BMPR1B: variants seen among roughly 807,000 people sequenced by gnomAD.
BMPR1B encodes bone morphogenetic protein receptor type-1B.
BMPR1B carries 12 observed loss-of-function variants against 59.1 expected under a neutral mutation model. That is an observed-to-expected ratio of 0.20 (90% confidence interval 0.13 to 0.33). The LOEUF is 0.33. BMPR1B is among the 10% of genes least tolerant of loss of function. The pLI, the probability that BMPR1B is intolerant of heterozygous loss-of-function variation, is 1.00. For synonymous variants in BMPR1B, 237 were observed against 207.3 expected, an observed-to-expected ratio of 1.14 and a Z score of -1.23; for missense variants, 550 against 610.9, an observed-to-expected ratio of 0.90 and a Z score of 1.05.
At chr4:94,889,998 G>C (rs1727327548) in intron 2 of BMPR1B, among the ~76,000 whole-genome samples, 1 of 152,006 alleles carries the variant, frequency 6.6e-6, no homozygotes, top group African/African-American at 2.4e-5. Flanking sequence ...GGGCATGGCA[G>C]GCTGTTGAAA....
chr4:94,988,634 C>A (rs1721551992), intron 2 of BMPR1B, among the ~76,000 whole-genome samples: 1 of 152,056 alleles, frequency 6.6e-6, no homozygotes, highest in South Asian at 2.1e-4. Context: ...GAACAAATGA[C>A]CTATTTATTA....
chr4:94,762,244 A>C (rs538970129), intron 1 of BMPR1B, among the ~76,000 whole-genome samples: 1 of 152,338 alleles, frequency 6.6e-6, no homozygotes, highest in African/African-American at 2.4e-5. Context: ...TATAAGAGAC[A>C]CAGATCCTTG....
At chr4:94,949,518 T>G (rs1332441325) in intron 2 of BMPR1B, among the ~76,000 whole-genome samples, 1 of 63,824 alleles carries the variant, frequency 1.6e-5, no homozygotes, top group Admixed American at 1.4e-4. Flanking sequence ...GGGTTTCACC[T>G]TGTTAGCCAG....
intron 2 of BMPR1B, among the ~76,000 whole-genome samples, chr4:94,917,734 A>G (rs895526597): frequency 5.3e-5 from 8 of 152,224 alleles, no homozygotes; most frequent in Non-Finnish European, 1.2e-4. Flanking sequence ...GAATGAGTTA[A>G]GACTGTTGGG....
At chr4:95,047,967 G>A (rs553264634) in intron 3 of BMPR1B, among the ~76,000 whole-genome samples, 5 of 152,078 alleles carry the variant, frequency 3.3e-5, no homozygotes, top group African/African-American at 1.2e-4. Flanking sequence ...CCCCACTCCA[G>A]TAGGCCCCAG....
intron 1 of BMPR1B, among the ~76,000 whole-genome samples, chr4:94,871,308 T>A (rs1726489152): frequency 3.3e-5 from 5 of 152,196 alleles, no homozygotes; most frequent in Admixed American, 3.3e-4. Context: ...AAGATATTAG[T>A]CTTGGTATGG....
chr4:95,067,999 G>A (rs545151031), intron 3 of BMPR1B, among the ~76,000 whole-genome samples: 4 of 152,196 alleles, frequency 2.6e-5, no homozygotes, highest in African/African-American at 9.6e-5. Flanking sequence ...ACCAACATTC[G>A]CAAAACACCC....
At chr4:94,778,559 A>C (rs866972847) in intron 1 of BMPR1B, among the ~76,000 whole-genome samples, 2 of 152,170 alleles carry the variant, frequency 1.3e-5, no homozygotes, top group Non-Finnish European at 2.9e-5. Context: ...CTCTTGGTGC[A>C]CCAGTAACAA....
chr4:94,981,754 G>C (rs2149088300), intron 2 of BMPR1B, among the ~76,000 whole-genome samples: 1 of 152,292 alleles, frequency 6.6e-6, no homozygotes, highest in East Asian at 1.9e-4. Flanking sequence ...AATGGCAACT[G>C]TGCCTGATAA....
intron 10 of BMPR1B, among the ~76,000 whole-genome samples, chr4:95,139,199 G>A (rs958755766): frequency 6.6e-6 from 1 of 152,182 alleles, no homozygotes; most frequent in Non-Finnish European, 1.5e-5. Flanking sequence ...CTGTTTGCCT[G>A]GGTATCACCA....
chr4:94,870,953 T>G (rs898727554), intron 1 of BMPR1B, among the ~76,000 whole-genome samples: 1 of 151,950 alleles, frequency 6.6e-6, no homozygotes, highest in African/African-American at 2.4e-5. Context: ...GCACTCTGTT[T>G]ATTGAATTAC....
chr4:94,939,766 A>C (rs1729440979), intron 2 of BMPR1B, among the ~76,000 whole-genome samples: 1 of 152,136 alleles, frequency 6.6e-6, no homozygotes, highest in African/African-American at 2.4e-5. Context: ...TCCAATTTTT[A>C]TGATTTGATT....
At chr4:94,882,342 G>A (rs1482600293) in intron 2 of BMPR1B, among the ~76,000 whole-genome samples, 2 of 152,154 alleles carry the variant, frequency 1.3e-5, no homozygotes, top group East Asian at 3.9e-4. Flanking sequence ...AACAAGTATA[G>A]CTTTGCCTTA....
chr4:95,125,968 G>A (rs1236220803), intron 8 of BMPR1B, among the ~76,000 whole-genome samples: 1 of 151,998 alleles, frequency 6.6e-6, no homozygotes, highest in East Asian at 1.9e-4. Flanking sequence ...TTGAGTAATT[G>A]TTTCTCAAAT....
Position 95,156,442 on chromosome 4 carries a change from A to G in BMPR1B, c.*1769A>G, listed in dbSNP as rs1330246785. 1.3e-5 allele frequency: 2 copies of G among 152,060 alleles called. No homozygotes were observed. The highest frequency in any genetic ancestry group is 4.8e-5 in the African/African-American group (2 of 41,424). The allele number at this position is 152,060 out of a possible 1,614,324, so 9.4% of individuals were successfully genotyped here. A position where few individuals can be genotyped will look rare whatever the true frequency, so the allele number is the denominator to read the frequency against. On this transcript the variant is annotated 3_prime_UTR_variant, in exon 13 of 13. Coordinates refer to ENST00000515059, the MANE Select transcript of BMPR1B (RefSeq NM_001203.3). ...TGAAAATTTGACAGCTACATGAAAC[A>G]TGAGAAAACATTTTCCTCACTTCTG... is the stretch of plus-strand genomic sequence containing the variant.
rs561319540 is a variant in BMPR1B at position 94,983,239 on chromosome 4, A to T, written c.-112-12801A>T. Among the ~76,000 whole-genome samples, 192 of 152,100 alleles carry T rather than the reference A, an allele frequency of 1.3e-3. 4 individuals are homozygous for T. Among genetic ancestry groups the T allele is most frequent in the African/African-American group, 4.5e-3 (186 of 41,512 alleles). On this transcript the variant is annotated intron_variant, in intron 2 of 12. Coordinates refer to ENST00000515059, the MANE Select transcript of BMPR1B (RefSeq NM_001203.3). Reference sequence around the variant, plus strand: ...CACATTATTCTGTTTAAATTTTATTATTGCTTTTTTTCCCTATTTGTTATT... The same window carrying T: ...CACATTATTCTGTTTAAATTTTATTTTTGCTTTTTTTCCCTATTTGTTATT...
chr4:94,795,053 T>C (rs1179157520), intron 1 of BMPR1B, among the ~76,000 whole-genome samples: 11 of 138,418 alleles, frequency 7.9e-5, no homozygotes, highest in South Asian at 2.5e-4. Context: ...CTTCCAACAC[T>C]ATGTTGAATA....
intron 3 of BMPR1B, among the ~76,000 whole-genome samples, chr4:95,085,215 G>A (rs777838816): frequency 1.3e-5 from 2 of 152,138 alleles, no homozygotes; most frequent in Non-Finnish European, 2.9e-5. Flanking sequence ...ACCATCCTCT[G>A]TGAGAGGGAC....
intron 1 of BMPR1B, among the ~76,000 whole-genome samples, chr4:94,830,304 T>G (rs1724532621): frequency 6.6e-6 from 1 of 152,242 alleles, no homozygotes; most frequent in African/African-American, 2.4e-5. Flanking sequence ...GATATGTGAT[T>G]ATAGAATTCT....
Sources: allele counts gnomAD v4.1 joint callset (sites outside exome capture counted in the v4.1 genomes callset), GRCh38; gene constraint gnomAD v4.1.1; transcripts MANE v1.5; gene names NCBI Gene and HGNC (gene_info 2026-07-23, HGNC 2026-07-21).